Variants in ZPBP observed in about 807,000 individuals in gnomAD.
ZPBP encodes zona pellucida-binding protein 1.
In ZPBP, 26 loss-of-function variants were observed where a neutral mutation model predicts 44.8. The observed-to-expected ratio is 0.58, with a 90% confidence interval of 0.43 to 0.81. ZPBP has a LOEUF of 0.81. Among genes scored for constraint, ZPBP ranks in the 30% least tolerant of loss-of-function variants. The pLI is 0.00. For missense variants in ZPBP, 409 were observed against 434.0 expected, an observed-to-expected ratio of 0.94 and a Z score of 0.51; for synonymous variants, 174 against 153.2, an observed-to-expected ratio of 1.14 and a Z score of -1.00.
chr7:50,078,991 A>G (rs562122527), intron 3 of ZPBP, among the ~76,000 whole-genome samples: 1 of 151,238 alleles, frequency 6.6e-6, no homozygotes, highest in African/African-American at 2.4e-5. Context: ...GAACAAAAAA[A>G]AAGAGAGAGA....
chr7:50,068,654 C>T lies in ZPBP; in HGVS notation c.335-10513G>A, dbSNP rs564454688. Among the ~76,000 whole-genome samples the T allele has an allele frequency of 2.9e-4, 44 of 152,216 alleles. 1 individual carries two copies. Among genetic ancestry groups the T allele is most frequent in the African/African-American group, 9.6e-4 (40 of 41,526 alleles). ...AGTAAATTAGCCTTTTTAAAGCCTC[C>T]GATCAGCCTTCTGATCTCGGTTAAT... On this transcript the variant is annotated intron_variant, in intron 3 of 7. Transcript: ENST00000046087.
chr7:49,857,009 C>CAAAAAAAAAAAAAAAAAAA (rs59910243), intron 2 of ZPBP, among the ~76,000 whole-genome samples: 3 of 52,786 alleles, frequency 5.7e-5, no homozygotes, highest in Admixed American at 7.7e-4. Context: ...GATACTGTCT[C>CAAAAAAAAAAAAAAAAAAA]AAAAAAAAAA....
At chr7:49,861,709 C>T (rs1790659028) in intron 2 of ZPBP, among the ~76,000 whole-genome samples, 1 of 152,228 alleles carries the variant, frequency 6.6e-6, no homozygotes, top group South Asian at 2.1e-4. Context: ...TTCTTTTGCA[C>T]ATGGCTTTCT....
At chr7:49,980,056 T>A (rs1304454791) in intron 7 of ZPBP, among the ~76,000 whole-genome samples, 2 of 85,340 alleles carry the variant, frequency 2.3e-5, no homozygotes, top group Non-Finnish European at 4.1e-5. Context: ...ATAATATAAT[T>A]TTATATTATA....
At chr7:50,049,743 C>T (rs1474510434) in intron 4 of ZPBP, among the ~76,000 whole-genome samples, 1 of 151,772 alleles carries the variant, frequency 6.6e-6, no homozygotes, top group Non-Finnish European at 1.5e-5. Context: ...TTATTTCCCC[C>T]TAATATTATG....
the ZPBP span, among the ~76,000 whole-genome samples, chr7:49,843,837 A>T: frequency 6.6e-6 from 1 of 152,224 alleles, no homozygotes; most frequent in Non-Finnish European, 1.5e-5. Flanking sequence ...TAGAAAACGC[A>T]ATCTGTCAGT....
intron 4 of ZPBP, among the ~76,000 whole-genome samples, chr7:50,043,199 C>T (rs1800180385): frequency 6.6e-6 from 1 of 152,214 alleles, no homozygotes; most frequent in Non-Finnish European, 1.5e-5. Context: ...TTAAGTAATA[C>T]TTTTAATCTA....
At chr7:49,971,407 T>A (rs1403965815) in intron 7 of ZPBP, among the ~76,000 whole-genome samples, 1 of 152,070 alleles carries the variant, frequency 6.6e-6, no homozygotes, top group South Asian at 2.1e-4. Context: ...TTACTAAAAA[T>A]CATAATTTAA....
intron 3 of ZPBP, among the ~76,000 whole-genome samples, chr7:50,075,782 G>A (rs1299351968): frequency 6.6e-6 from 1 of 151,846 alleles, no homozygotes; most frequent in African/African-American, 2.4e-5. Flanking sequence ...GTAAAGAAAA[G>A]CCCAGGACTC....
chr7:49,986,985 G>A (rs1486469291), intron 6 of ZPBP, among the ~76,000 whole-genome samples: 6 of 152,148 alleles, frequency 3.9e-5, no homozygotes, highest in Non-Finnish European at 7.3e-5. Context: ...GTAAGCAGGT[G>A]GCAGTGCTTT....
At chr7:49,993,983 A>G (rs948232750) in intron 6 of ZPBP, among the ~76,000 whole-genome samples, 4 of 152,132 alleles carry the variant, frequency 2.6e-5, no homozygotes, top group Non-Finnish European at 5.9e-5. Flanking sequence ...ACATATCTTC[A>G]CTTTCTGCCC....
rs566952791 is a variant in ZPBP at position 49,851,789 on chromosome 7, CAG to C, written n.510-1277_510-1276del. ...AGGAGAATCGCTTGAACCCAGGAGG[CAG>C]AGTTTGCAGAGCCGAGCTTGCGCCA... On this transcript the variant is annotated intron_variant and non_coding_transcript_variant, in intron 2 of 2. Transcript: ENST00000465922. 1.1e-3 allele frequency among the ~76,000 whole-genome samples: 165 copies of C among 151,900 alleles called. 1 individual carries two copies. Among genetic ancestry groups the C allele is most frequent in the Non-Finnish European group, 2.1e-3 (142 of 67,978 alleles).
At chr7:49,970,466 C>CTTTTTTTTTTTTTTTT (rs771955717) in intron 7 of ZPBP, among the ~76,000 whole-genome samples, 3 of 85,214 alleles carry the variant, frequency 3.5e-5, no homozygotes, top group African/African-American at 9.5e-5. Flanking sequence ...GCTGAATATA[C>CTTTTTTTTTTTTTTTT]TTTTTTTTTT....
At chr7:49,893,980 G>C (rs1015544210) in intron 2 of ZPBP, among the ~76,000 whole-genome samples, 1 of 152,182 alleles carries the variant, frequency 6.6e-6, no homozygotes, top group African/African-American at 2.4e-5. Flanking sequence ...CTCACTGCTT[G>C]GAGTTCTGCT....
intron 2 of ZPBP, among the ~76,000 whole-genome samples, chr7:49,898,135 A>T (rs865987103): frequency 3.6e-4 from 54 of 151,514 alleles, no homozygotes; most frequent in South Asian, 4.2e-4. Flanking sequence ...GTGTGTATGT[A>T]TGTGTGTGTG....
intron 2 of ZPBP, among the ~76,000 whole-genome samples, chr7:50,085,297 T>C (rs552061437): frequency 2.0e-4 from 31 of 152,266 alleles, no homozygotes; most frequent in Non-Finnish European, 3.7e-4. Flanking sequence ...GATTTTTGAT[T>C]TCTAGCCTCT....
intron 2 of ZPBP, among the ~76,000 whole-genome samples, chr7:49,861,731 C>T (rs1790659851): frequency 6.6e-6 from 1 of 152,206 alleles, no homozygotes; most frequent in African/African-American, 2.4e-5. Flanking sequence ...GTTGTCCCAG[C>T]ACCATTTCTT....
chr7:50,010,587 T>C (rs1400562074), intron 6 of ZPBP, among the ~76,000 whole-genome samples: 1 of 152,126 alleles, frequency 6.6e-6, no homozygotes, highest in Non-Finnish European at 1.5e-5. Context: ...AATCACGGAC[T>C]CAACTCCTTT....
In ZPBP at chr7:49,937,527, C is replaced by T. The variant is rs141832800; in HGVS notation, c.*1G>A. The T allele has an allele frequency of 2.5e-4, 401 of 1,610,108 alleles. 3 individuals are homozygous for T. In the African/African-American group the frequency reaches 4.8e-3, roughly 19 times the overall value. On this transcript the variant is annotated 3_prime_UTR_variant, in exon 8 of 8. Coordinates refer to ENST00000046087, the MANE Select transcript of ZPBP (RefSeq NM_007009.3). Reference sequence around the variant, plus strand: ...ACCACTGAATAACTGAAGATAATGGCTTATAAGCACGTTTTTGCTCCATAC... The same window carrying T: ...ACCACTGAATAACTGAAGATAATGGTTTATAAGCACGTTTTTGCTCCATAC...
Sources: allele counts gnomAD v4.1 joint callset (sites outside exome capture counted in the v4.1 genomes callset), GRCh38; gene constraint gnomAD v4.1.1; transcripts MANE v1.5; gene names NCBI Gene and HGNC (gene_info 2026-07-23, HGNC 2026-07-21).